Variants in RARB observed in about 807,000 individuals in gnomAD.
The protein encoded by RARB is retinoic acid receptor beta.
A neutral mutation model predicts 51.9 loss-of-function variants in RARB; 17 were observed. That is an observed-to-expected ratio of 0.33 (90% CI 0.22 to 0.49). The LOEUF is 0.49. RARB is among the 20% of genes least tolerant of loss of function. The pLI, the probability that RARB is intolerant of heterozygous loss-of-function variation, is 0.99. For synonymous variants in RARB, 215 were observed against 195.4 expected, an observed-to-expected ratio of 1.10 and a Z score of -0.84; for missense variants, 369 against 550.8, an observed-to-expected ratio of 0.67 and a Z score of 3.30.
intron 5 of RARB, among the ~76,000 whole-genome samples, chr3:25,340,832 G>A (rs1705206447): frequency 6.6e-6 from 1 of 152,290 alleles, no homozygotes; most frequent in Admixed American, 6.5e-5. Context: ...TGAAAATCAA[G>A]TCTCAATTTA....
chr3:25,447,940 A>G (rs755350915), intron 1 of RARB, among the ~76,000 whole-genome samples: 1 of 152,190 alleles, frequency 6.6e-6, no homozygotes, highest in African/African-American at 2.4e-5. Context: ...CAGCATAAGC[A>G]TGATACAATA....
intron 5 of RARB, among the ~76,000 whole-genome samples, chr3:25,398,474 A>G (rs1198698223): frequency 6.6e-6 from 1 of 152,254 alleles, no homozygotes; most frequent in Non-Finnish European, 1.5e-5. Context: ...TTTACAAGGT[A>G]TTGGCACTGT....
At chr3:25,146,811 G>T (rs948793955) in intron 4 of RARB, among the ~76,000 whole-genome samples, 3 of 152,104 alleles carry the variant, frequency 2.0e-5, no homozygotes, top group African/African-American at 7.2e-5. Flanking sequence ...GAGCCACGGC[G>T]CCCGGCATTT....
intron 2 of RARB, among the ~76,000 whole-genome samples, chr3:24,987,435 C>T (rs1184246328): frequency 6.6e-6 from 1 of 152,050 alleles, no homozygotes; most frequent in Non-Finnish European, 1.5e-5. Context: ...AAATGATGAC[C>T]CCAGAGGGGT....
chr3:25,258,372 T>C (rs909745330), intron 5 of RARB, among the ~76,000 whole-genome samples: 1 of 152,182 alleles, frequency 6.6e-6, no homozygotes, highest in African/African-American at 2.4e-5. Flanking sequence ...ATGGTCGCAA[T>C]TGATATTGTA....
chr3:25,592,234 C>G lies in RARB; in HGVS notation c.787-1269C>G, dbSNP rs139949706. On this transcript the variant is annotated intron_variant, in intron 5 of 7. Transcript: ENST00000330688. ...ATAATGCAGGCCTTTCTGATCACAT[C>G]TGCCCTCCTGTAGGTTGACACTGAG... Among the ~76,000 whole-genome samples, 615 of 152,356 alleles carry G rather than the reference C, an allele frequency of 4.0e-3. 8 individuals carry two copies. Among genetic ancestry groups the G allele is most frequent in the African/African-American group, 0.014 (581 of 41,590 alleles).
intron 5 of RARB, among the ~76,000 whole-genome samples, chr3:25,298,330 G>T (rs1481498848): frequency 6.6e-6 from 1 of 151,840 alleles, no homozygotes; most frequent in African/African-American, 2.4e-5. Context: ...TTACAGCCAC[G>T]TGCCACCACG....
intron 5 of RARB, among the ~76,000 whole-genome samples, chr3:25,416,990 C>T (rs1707721862): frequency 6.6e-6 from 1 of 152,128 alleles, no homozygotes; most frequent in South Asian, 2.1e-4. Flanking sequence ...TTTCCTTACC[C>T]CTCCAGATGC....
chr3:25,056,925 G>A, intron 2 of RARB, among the ~76,000 whole-genome samples: 1 of 152,034 alleles, frequency 6.6e-6, no homozygotes. Flanking sequence ...ATTGACTGTA[G>A]CACTAATGAC....
chr3:24,923,933 C>T (rs1695267581), intron 2 of RARB, among the ~76,000 whole-genome samples: 2 of 152,074 alleles, frequency 1.3e-5, no homozygotes, highest in Non-Finnish European at 2.9e-5. Flanking sequence ...GATATTTCAA[C>T]AGAATGAAAT....
intron 5 of RARB, among the ~76,000 whole-genome samples, chr3:25,318,323 G>A (rs1704479523): frequency 6.6e-6 from 1 of 152,012 alleles, no homozygotes; most frequent in African/African-American, 2.4e-5. Context: ...CAGTTCCTTG[G>A]GGTACATTTA....
chr3:25,467,390 G>A (rs1400026076), intron 2 of RARB, among the ~76,000 whole-genome samples: 1 of 152,188 alleles, frequency 6.6e-6, no homozygotes. Flanking sequence ...CACATGTCTG[G>A]GGCCTTGGCA....
intron 5 of RARB, among the ~76,000 whole-genome samples, chr3:25,405,826 T>C (rs1207467866): frequency 6.6e-6 from 1 of 152,170 alleles, no homozygotes; most frequent in Non-Finnish European, 1.5e-5. Flanking sequence ...AAAGCACTTC[T>C]GTTATCTTGG....
intron 5 of RARB, among the ~76,000 whole-genome samples, chr3:25,208,086 C>T (rs1391658533): frequency 3.3e-5 from 5 of 152,112 alleles, no homozygotes; most frequent in African/African-American, 4.8e-5. Context: ...AGTACTCACT[C>T]ATTATTGCAA....
chr3:24,906,151 TGAG>T (rs1349567516), intron 2 of RARB, among the ~76,000 whole-genome samples: 2 of 152,138 alleles, frequency 1.3e-5, no homozygotes, highest in South Asian at 2.1e-4. Flanking sequence ...GTTTCACAAA[TGAG>T]GAGGGGATGT....
At chr3:24,933,315 G>A (rs1695480718) in intron 2 of RARB, among the ~76,000 whole-genome samples, 1 of 151,252 alleles carries the variant, frequency 6.6e-6, no homozygotes, top group Non-Finnish European at 1.5e-5. Context: ...GAAAATACTT[G>A]AAAAATGAAT....
intron 5 of RARB, among the ~76,000 whole-genome samples, chr3:25,212,226 G>A (rs1404685549): frequency 2.6e-5 from 4 of 152,118 alleles, no homozygotes; most frequent in African/African-American, 4.8e-5. Flanking sequence ...ATGTACCTAA[G>A]TAAATAAGCT....
At chr3:25,010,510 T>C (rs4858680) in intron 2 of RARB, among the ~76,000 whole-genome samples, 127,243 of 151,948 alleles carry the variant, frequency 0.84, 53,747 homozygotes, top group East Asian at 1. Flanking sequence ...AATCTGTGTT[T>C]GCTACTGTAC....
At chr3:25,221,458 G>T (rs780555973) in intron 5 of RARB, among the ~76,000 whole-genome samples, 2 of 152,078 alleles carry the variant, frequency 1.3e-5, no homozygotes, top group African/African-American at 4.8e-5. Flanking sequence ...AATAATAATC[G>T]TGGTAGTGAT....
Sources: allele counts gnomAD v4.1 joint callset (sites outside exome capture counted in the v4.1 genomes callset), GRCh38; gene constraint gnomAD v4.1.1; transcripts MANE v1.5; gene names NCBI Gene and HGNC (gene_info 2026-07-23, HGNC 2026-07-21).